The following MBD5 variants were observed in gnomAD, a reference collection of about 807,000 sequenced individuals.
MBD5 encodes the protein methyl-CpG binding domain protein 5, also known as methyl-CpG-binding domain protein 5.
In MBD5, 13 loss-of-function variants were observed where a neutral mutation model predicts 117.3. The observed-to-expected ratio is 0.11, with a 90% confidence interval of 0.07 to 0.18. The LOEUF is 0.18. Ranked by LOEUF, MBD5 falls within the 10% of genes least tolerant of loss-of-function variation. The pLI, the probability that MBD5 is intolerant of heterozygous loss-of-function variation, is 1.00. For missense variants in MBD5, 1,879 were observed against 2,093.8 expected, an observed-to-expected ratio of 0.90 and a Z score of 2.00; for synonymous variants, 727 against 766.4, an observed-to-expected ratio of 0.95 and a Z score of 0.85.
At chr2:148,053,016 G>A (rs1405922283) in intron 1 of MBD5, among the ~76,000 whole-genome samples, 1 of 150,180 alleles carries the variant, frequency 6.7e-6, no homozygotes, top group East Asian at 1.9e-4. Context: ...TTGGGGTGGA[G>A]TCTCCTATAG....
Position 148,447,206 on chromosome 2 carries a change from A to G in MBD5, c.-556-10997A>G, listed in dbSNP as rs35234486. Among the ~76,000 whole-genome samples, 69 of 12,162 alleles carry G rather than the reference A, an allele frequency of 5.7e-3. 1 individual carries two copies. The highest frequency in any genetic ancestry group is 0.01 in the Non-Finnish European group (13 of 1,270). The allele number at this position is 12,162 out of a possible 152,430, so 8.0% of individuals were successfully genotyped here. A position where few individuals can be genotyped will look rare whatever the true frequency, so the allele number is the denominator to read the frequency against. ...AAGAAAGAAAGAAAGAAAGAAAGAA[A>G]GAAAGAAAGAAAGAAAGAAAGAAAG... On this transcript the variant is annotated intron_variant, in intron 4 of 13. Transcript: ENST00000642680.
intron 1 of MBD5, among the ~76,000 whole-genome samples, chr2:148,087,765 G>C (rs1490630530): frequency 1.3e-5 from 2 of 152,144 alleles, no homozygotes; most frequent in Non-Finnish European, 2.9e-5. Context: ...ACCCAAATGA[G>C]AAGGAATCAG....
rs1002357104 is a variant in MBD5 at position 148,389,650 on chromosome 2, T to C, written c.-557+47314T>C. ...CTGACTGGTGTGAGATGGGATCTCATTGTGGTTTTGATTTGTATCTCCCTG... is the reference window on the plus strand; with the variant it reads ...CTGACTGGTGTGAGATGGGATCTCACTGTGGTTTTGATTTGTATCTCCCTG... On this transcript the variant is annotated intron_variant, in intron 4 of 13. Transcript: ENST00000642680. Among the ~76,000 whole-genome samples, 7 of 152,150 alleles carry C rather than the reference T, an allele frequency of 4.6e-5. No individual in the cohort carries two copies. The East Asian group carries it at 1.2e-3, about 25-fold the overall frequency.
At chr2:148,034,121 C>T (rs1041545720) in intron 1 of MBD5, among the ~76,000 whole-genome samples, 10 of 152,022 alleles carry the variant, frequency 6.6e-5, no homozygotes, top group East Asian at 1.9e-4. Context: ...CTTAAGCCTG[C>T]GAGGTCAAGG....
intron 4 of MBD5, among the ~76,000 whole-genome samples, chr2:148,402,722 T>G (rs1034866095): frequency 6.6e-6 from 1 of 152,248 alleles, no homozygotes; most frequent in Admixed American, 6.5e-5. Flanking sequence ...TTCTGAGTTA[T>G]GTTCCACTAT....
At chr2:148,364,656 G>A (rs1703643579) in intron 4 of MBD5, among the ~76,000 whole-genome samples, 1 of 152,068 alleles carries the variant, frequency 6.6e-6, no homozygotes, top group Admixed American at 6.6e-5. Flanking sequence ...TATTTACCAA[G>A]CAAATGGAAA....
chr2:148,154,702 T>C (rs1697816876), intron 1 of MBD5, among the ~76,000 whole-genome samples: 1 of 152,102 alleles, frequency 6.6e-6, no homozygotes, highest in South Asian at 2.1e-4. Context: ...TTTCCAGGTG[T>C]GTCCGTCACC....
intron 4 of MBD5, among the ~76,000 whole-genome samples, chr2:148,342,763 T>G (rs1702980952): frequency 6.6e-6 from 1 of 152,004 alleles, no homozygotes; most frequent in Non-Finnish European, 1.5e-5. Flanking sequence ...AAAAAAAATT[T>G]ATTTTTTTCT....
intron 1 of MBD5, among the ~76,000 whole-genome samples, chr2:148,057,657 A>G (rs1036310291): frequency 1.3e-5 from 2 of 151,852 alleles, no homozygotes; most frequent in African/African-American, 4.8e-5. Context: ...ATTTTTTCCA[A>G]TTTTAAATTC....
intron 1 of MBD5, chr2:148,070,967 T>A (rs1695336197): frequency 1.3e-5 from 2 of 151,926 alleles, no homozygotes; most frequent in Admixed American, 6.6e-5. Context: ...TCCTCCTGCC[T>A]CAGCCTCCCG....
chr2:148,065,949 C>T (rs376488462), intron 1 of MBD5, among the ~76,000 whole-genome samples: 2 of 152,172 alleles, frequency 1.3e-5, no homozygotes, highest in South Asian at 2.1e-4. Flanking sequence ...TTTAAGGTTT[C>T]GGGTTGAGGA....
chr2:148,509,102 C>T (rs985354440), intron 12 of MBD5, among the ~76,000 whole-genome samples: 3 of 152,232 alleles, frequency 2.0e-5, no homozygotes, highest in Non-Finnish European at 2.9e-5. Flanking sequence ...GGACTTAACT[C>T]ATGGAAACCC....
intron 4 of MBD5, among the ~76,000 whole-genome samples, chr2:148,439,185 T>C (rs1247106708): frequency 6.6e-6 from 1 of 152,192 alleles, no homozygotes; most frequent in African/African-American, 2.4e-5. Context: ...GCATTTGAAA[T>C]TTTAAGTTTT....
intron 4 of MBD5, among the ~76,000 whole-genome samples, chr2:148,350,928 A>G (rs1703233913): frequency 6.6e-6 from 1 of 152,058 alleles, no homozygotes; most frequent in African/African-American, 2.4e-5. Flanking sequence ...AATAAGAACC[A>G]CAACTGACAA....
In MBD5 at chr2:148,031,063, T is replaced by A. The variant is rs201422296; in HGVS notation, c.-925+9379T>A. Among the ~76,000 whole-genome samples, 10 of 152,314 alleles carry A rather than the reference T, an allele frequency of 6.6e-5. No individual in the cohort carries two copies. The East Asian group carries it at 1.9e-3, about 29-fold the overall frequency. On this transcript the variant is annotated intron_variant, in intron 1 of 13. Transcript: ENST00000642680. ...GTTATAAAGTGGTAGACAATTTCAA[T>A]CTGAGATAAGATATAATATATGGGA... is the stretch of plus-strand genomic sequence containing the variant.
intron 1 of MBD5, among the ~76,000 whole-genome samples, chr2:148,113,423 A>G (rs961859153): frequency 3.3e-5 from 5 of 152,188 alleles, no homozygotes; most frequent in South Asian, 2.1e-4. Flanking sequence ...ATTTACTGTT[A>G]ACAGATTCCA....
At chr2:148,178,443 A>G (rs75899371) in intron 1 of MBD5, among the ~76,000 whole-genome samples, 1,872 of 152,312 alleles carry the variant, frequency 0.012, 45 homozygotes, top group African/African-American at 0.043. Flanking sequence ...AGGCAGATCA[A>G]ATTAGTATTA....
At chr2:148,479,185 G>T (rs1681064784) in intron 8 of MBD5, among the ~76,000 whole-genome samples, 1 of 152,158 alleles carries the variant, frequency 6.6e-6, no homozygotes, top group Admixed American at 6.5e-5. Context: ...AGTAATTTGG[G>T]ATAGACCTCT....
chr2:148,372,956 G>T (rs1703896809), intron 4 of MBD5, among the ~76,000 whole-genome samples: 1 of 152,172 alleles, frequency 6.6e-6, no homozygotes, highest in Middle Eastern at 3.4e-3. Flanking sequence ...TAGCCTTTGA[G>T]CAATTATTCT....
Sources: gnomAD v4.1 joint callset for allele counts (sites outside exome capture counted in the v4.1 genomes callset) on GRCh38, gnomAD v4.1.1 for gene constraint, MANE v1.5 for transcripts, NCBI Gene and HGNC (gene_info 2026-07-23, HGNC 2026-07-21) for gene names.